FBXO9: variants seen among roughly 807,000 people sequenced by gnomAD.
The protein encoded by FBXO9 is F-box protein 9.
A neutral mutation model predicts 63.7 loss-of-function variants in FBXO9; 43 were observed. That is an observed-to-expected ratio of 0.67 (90% CI 0.53 to 0.87). The LOEUF is 0.87. Among genes scored for constraint, FBXO9 ranks in the 40% least tolerant of loss-of-function variants. The pLI, the probability that FBXO9 is intolerant of heterozygous loss-of-function variation, is 0.00. For synonymous variants in FBXO9, 156 were observed against 171.7 expected, an observed-to-expected ratio of 0.91 and a Z score of 0.72; for missense variants, 442 against 533.2, an observed-to-expected ratio of 0.83 and a Z score of 1.68.
At chr6:53,076,697 C>T (rs187535900) in intron 4 of FBXO9, among the ~76,000 whole-genome samples, 154 bp downstream of exon 4, 4 of 151,880 alleles carry the variant, frequency 2.6e-5, no homozygotes, top group Admixed American at 6.6e-5. Flanking sequence ...GTTCCAGGAC[C>T]CTTTGTAGAT....
At chr6:53,070,695 G>A (rs961398645) in intron 1 of FBXO9, among the ~76,000 whole-genome samples, 3 of 152,144 alleles carry the variant, frequency 2.0e-5, no homozygotes, top group African/African-American at 7.2e-5. Context: ...GGAAAACCCA[G>A]GGATTTTGGT....
intron 12 of FBXO9, among the ~76,000 whole-genome samples, chr6:53,097,517 C>T (rs970510696): frequency 6.6e-6 from 1 of 152,030 alleles, no homozygotes; most frequent in African/African-American, 2.4e-5. Context: ...TCATATGGCT[C>T]TGAGTGTTGG....
chr6:53,076,440 A>T, intron 3 of FBXO9, 46 bp from the exon 4 acceptor site: 2 of 1,301,868 alleles, frequency 1.5e-6, no homozygotes, highest in Non-Finnish European at 2.1e-6. Flanking sequence ...ATCCATACTA[A>T]TTTTTAATGC....
At chr6:53,070,309 C>T (rs558303310) in intron 1 of FBXO9, among the ~76,000 whole-genome samples, 7 of 151,730 alleles carry the variant, frequency 4.6e-5, no homozygotes, top group South Asian at 2.1e-4. Flanking sequence ...TGTGAGCCAC[C>T]GCACCTGGCC....
intron 1 of FBXO9, among the ~76,000 whole-genome samples, chr6:53,067,468 C>A (rs1768747232): frequency 6.6e-6 from 1 of 151,916 alleles, no homozygotes; most frequent in Non-Finnish European, 1.5e-5. Context: ...TAAGATGAAC[C>A]CTGAGCTGAA....
At position 53,099,194 on chromosome 6, in the gene FBXO9, C is replaced by G. The variant is rs1763289391; in HGVS notation, c.*1364C>G. On this transcript the variant is annotated 3_prime_UTR_variant, in exon 13 of 13. Transcript: ENST00000323557. ...CTGAGCTCAGGAGTCCAAGACCAGC[C>G]TGGGCAACATGGCAAAACACCGTCT... The G allele has an allele frequency of 6.8e-6, 1 of 147,190 alleles. No individual in the cohort carries two copies. Among genetic ancestry groups the G allele is most frequent in the Admixed American group, 6.9e-5 (1 of 14,434 alleles). 9.1% of individuals were successfully genotyped at this position (147,190 alleles called of 1,614,324 possible).
In FBXO9 at chr6:53,089,642, ACTTTT is replaced by A. The variant is rs890356107; in HGVS notation, c.654-2782_654-2778del. Among the ~76,000 whole-genome samples the A allele has an allele frequency of 2.0e-5, 3 of 152,190 alleles. No individual in the cohort carries two copies. The East Asian group carries it at 5.8e-4, about 29-fold the overall frequency. ...CCAAGAATACCCAATCTAAAAAGAC[ACTTTT>A]CTTTACACCAGAAAGGACTTACCAG... On this transcript the variant is annotated intron_variant, in intron 7 of 12. Transcript: ENST00000323557.
chr6:53,095,644 T>C lies in FBXO9; in HGVS notation c.1185T>C (p.His395=). ...TCAACAAACTCATCTGGATACATCA[T>C]TCTTGTCACATTACTTACAAGTAGG... ...QRFNKLIWIH[H]SCHITYKSTG... The change falls in exon 12 of 13, where the codon CAT becomes CAC. Residue 395 remains histidine, a synonymous_variant. Transcript: ENST00000323557. The C allele has an allele frequency of 1.2e-6, 2 of 1,610,888 alleles. No individual in the cohort carries two copies. Among genetic ancestry groups the C allele is most frequent in the Non-Finnish European group, 1.7e-6 (2 of 1,178,746 alleles).
rs779730192 is a variant in FBXO9 at position 53,097,879 on chromosome 6, G to A, written c.*49G>A. 1.2e-5 allele frequency: 11 copies of A among 886,352 alleles called. No homozygotes were observed. The highest frequency in any genetic ancestry group is 1.8e-5 in the Non-Finnish European group (11 of 605,674). 54.9% of individuals were successfully genotyped at this position (886,352 alleles called of 1,614,324 possible). A position where few individuals can be genotyped will look rare whatever the true frequency, so the allele number is the denominator to read the frequency against. On this transcript the variant is annotated 3_prime_UTR_variant, in exon 13 of 13. Coordinates refer to ENST00000323557, the MANE Select transcript of FBXO9 (RefSeq NM_033480.3). ...ACTTTTGCATGAATTAAAGTATATA[G>A]CGCAAAAGAGCACCTAAGTTATAAA...
chr6:53,083,398 C>G (rs1769375434), intron 7 of FBXO9, among the ~76,000 whole-genome samples: 1 of 152,056 alleles, frequency 6.6e-6, no homozygotes, highest in African/African-American at 2.4e-5. Context: ...TTATGTCAAC[C>G]TAAATAATAA....
At position 53,098,234 on chromosome 6, in the gene FBXO9, C is replaced by T. The variant is rs183236765; in HGVS notation, c.*404C>T. 105 of 309,020 alleles carry T rather than the reference C, an allele frequency of 3.4e-4. No individual in the cohort carries two copies. Among genetic ancestry groups the T allele is most frequent in the African/African-American group, 2.1e-3 (96 of 45,406 alleles). The allele number at this position is 309,020 out of a possible 1,614,324, so 19.1% of individuals were successfully genotyped here. A position where few individuals can be genotyped will look rare whatever the true frequency, so the allele number is the denominator to read the frequency against. On this transcript the variant is annotated 3_prime_UTR_variant, in exon 13 of 13. Transcript: ENST00000323557. ...CTAATATTTCAATGCATCAGGGGAGCGCTCCACTGGATAAGCATTTTATTT... is the reference window on the plus strand; with the variant it reads ...CTAATATTTCAATGCATCAGGGGAGTGCTCCACTGGATAAGCATTTTATTT...
chr6:53,071,131 A>C lies in FBXO9; in HGVS notation c.78A>C (p.Glu26Asp). The change falls in exon 2 of 13, where the codon GAA (glutamate) becomes GAC (aspartate). Residue 26 changes from glutamate (E) to aspartate (D), a missense_variant. Glu to Asp is a conservative substitution (Grantham distance 45). This residue lies in a region of FBXO9 where 180 missense variants were observed against 171.1 expected (regional missense o/e 1.05). Coordinates refer to ENST00000323557, the MANE Select transcript of FBXO9 (RefSeq NM_033480.3). ...DDDEENESPA[E>D]TDLQAQLQMF... is the part of the protein sequence containing the mutation. ...ATGAAGAAAATGAAAGTCCTGCTGA[A>C]ACAGATCTGCAGGCATGTTTCTTCA... The C allele has an allele frequency of 6.4e-7, 1 of 1,560,528 alleles. No individual in the cohort carries two copies. The highest frequency in any genetic ancestry group is 1.4e-5 in the African/African-American group (1 of 73,826).
chr6:53,077,472 CAAAAAAAAAAAAAA>C (rs1173539613), intron 4 of FBXO9, among the ~76,000 whole-genome samples: 2 of 70,454 alleles, frequency 2.8e-5, no homozygotes, highest in Admixed American at 4.9e-4. Flanking sequence ...GACTCCGTCT[CAAAAAAAAAAAAAA>C]AAAAAAAAAA....
chr6:53,080,351 G>T (rs1769270161), intron 5 of FBXO9, among the ~76,000 whole-genome samples: 1 of 149,108 alleles, frequency 6.7e-6, no homozygotes. Context: ...GAAACTTCCT[G>T]GTTTTCTAAC....
intron 1 of FBXO9, 105 bp from the exon 2 acceptor site, chr6:53,070,952 T>C: frequency 1.3e-6 from 2 of 1,511,318 alleles, no homozygotes. Flanking sequence ...CACAAAGTGT[T>C]GACAGTATGG....
In FBXO9 at chr6:53,093,975, A is replaced by G; in HGVS notation, c.1050A>G (p.Glu350=). 1.3e-6 allele frequency: 2 copies of G among 1,543,534 alleles called. No individual in the cohort carries two copies. Among genetic ancestry groups the G allele is most frequent in the Non-Finnish European group, 1.8e-6 (2 of 1,140,616 alleles). Residue 350 remains glutamate (E), a synonymous_variant, in exon 11 of 13, where the codon GAA becomes GAG. Transcript: ENST00000323557. ...KVFAVITKKK[E]EKPLDYKYRY... ...TTGCTGTAATAACTAAGAAAAAAGA[A>G]GAAGTGAGTATACGAGGTGTAATTA...
At chr6:53,078,271 T>C (rs971144029) in intron 4 of FBXO9, among the ~76,000 whole-genome samples, 5 of 152,034 alleles carry the variant, frequency 3.3e-5, no homozygotes, top group Non-Finnish European at 7.4e-5. Context: ...CTGGGCAATA[T>C]AGCAAGATGT....
rs1035415962 is a variant in FBXO9, at chr6:53,073,499, C to T, written c.109C>T (p.Arg37Ter). 1.1e-5 allele frequency: 18 copies of T among 1,613,484 alleles called. No individual in the cohort carries two copies. Among genetic ancestry groups the T allele is most frequent in the Non-Finnish European group, 1.4e-5 (16 of 1,179,712 alleles). Residue 37 changes from arginine (R) to a stop codon, truncating the protein, a stop_gained, in exon 3 of 13, where the codon CGA becomes TGA. Transcript: ENST00000323557. LOFTEE classifies it high-confidence loss of function. ...TDLQAQLQMF[R>*]AQWMFELAPG... Reference sequence around the variant, plus strand: ...CCCATAGGCACAACTCCAGATGTTCCGAGCTCAGTGGATGTTTGAACTTGC... The same window carrying T: ...CCCATAGGCACAACTCCAGATGTTCTGAGCTCAGTGGATGTTTGAACTTGC...
At chr6:53,081,897 C>T (rs1356580264) in intron 6 of FBXO9, among the ~76,000 whole-genome samples, 5 of 152,016 alleles carry the variant, frequency 3.3e-5, no homozygotes, top group Non-Finnish European at 7.4e-5. Flanking sequence ...GGTGAAACCC[C>T]ACCTCTACTA....
Sources: allele counts gnomAD v4.1 joint callset (sites outside exome capture counted in the v4.1 genomes callset), GRCh38; gene constraint gnomAD v4.1.1; regional missense constraint gnomAD v4.1.1; transcripts MANE v1.5; gene names NCBI Gene and HGNC (gene_info 2026-07-23, HGNC 2026-07-21).